PI4K2A: variants seen among roughly 807,000 people sequenced by gnomAD.
PI4K2A encodes phosphatidylinositol 4-kinase type 2-alpha.
Under a neutral mutation model 55.0 loss-of-function variants are expected in PI4K2A, and 20 were observed. That is an observed-to-expected ratio of 0.36 (90% CI 0.26 to 0.53). The LOEUF (loss-of-function observed/expected upper bound fraction) is 0.53. Ranked by LOEUF, PI4K2A falls within the 20% of genes least tolerant of loss-of-function variation. PI4K2A has a pLI of 0.91. For synonymous variants in PI4K2A, 235 were observed against 258.5 expected (o/e 0.91, Z 0.87); for missense variants, 463 against 637.1 (o/e 0.73, Z 2.94).
chr10:97,671,734 G>C (rs2041636373), intron 8 of PI4K2A, among the ~76,000 whole-genome samples: 1 of 152,076 alleles, frequency 6.6e-6, no homozygotes, highest in Non-Finnish European at 1.5e-5. Flanking sequence ...CCGCCTCCCG[G>C]GTTCACGTGA....
chr10:97,659,873 T>A (rs1388823084), intron 4 of PI4K2A, among the ~76,000 whole-genome samples: 3 of 152,096 alleles, frequency 2.0e-5, no homozygotes, highest in Non-Finnish European at 4.4e-5. Flanking sequence ...CCACTACAAT[T>A]GTTGTCCACG....
At chr10:97,661,147 A>G (rs1015320950) in intron 4 of PI4K2A, among the ~76,000 whole-genome samples, 22 of 151,796 alleles carry the variant, frequency 1.4e-4, no homozygotes, top group Non-Finnish European at 2.4e-4. Context: ...GCCCGCCACC[A>G]CACCCGGCTA....
intron 6 of PI4K2A, among the ~76,000 whole-genome samples, chr10:97,665,814 A>G (rs796071584): frequency 2.1e-5 from 3 of 142,324 alleles, no homozygotes; most frequent in African/African-American, 7.9e-5. Context: ...GATGATCTCA[A>G]TCTCCTGACC....
At chr10:97,648,953 G>C (rs2041517956) in intron 1 of PI4K2A, among the ~76,000 whole-genome samples, 1 of 152,236 alleles carries the variant, frequency 6.6e-6, no homozygotes, top group Non-Finnish European at 1.5e-5. Context: ...TTTGGAGGGA[G>C]AAGGAGGAGT....
chr10:97,642,924 C>CCTTT (rs199787458), intron 1 of PI4K2A, among the ~76,000 whole-genome samples: 1,244 of 113,224 alleles, frequency 0.011, 43 homozygotes, highest in Non-Finnish European at 0.015. Flanking sequence ...TTCCTTCCTT[C>CCTTT]CTTTCTTTCC....
chr10:97,643,721 G>A (rs1301227097), intron 1 of PI4K2A, among the ~76,000 whole-genome samples: 2 of 152,156 alleles, frequency 1.3e-5, no homozygotes, highest in Non-Finnish European at 2.9e-5. Context: ...AAATGCTTGC[G>A]GTGGGTTAGA....
rs2041553284 is a variant in PI4K2A at position 97,656,160 on chromosome 10, T to C, written c.637-125T>C. 1.3e-6 allele frequency: 1 copy of C among 778,272 alleles called. No individual in the cohort carries two copies. Among genetic ancestry groups the C allele is most frequent in the Admixed American group, 2.5e-5 (1 of 39,740 alleles). The allele number at this position is 778,272 out of a possible 1,614,324, so 48.2% of individuals were successfully genotyped here. A position where few individuals can be genotyped will look rare whatever the true frequency, so the allele number is the denominator to read the frequency against. ...CCTAGTTGCTGGGAAGGCTGAGAAA[T>C]GTATTCTTTCTGTGCCCTGGAAGAG... On this transcript the variant is annotated intron_variant, in intron 2 of 8. Coordinates refer to ENST00000370631, the Ensembl canonical transcript of PI4K2A. This position sits in a 1 kb window ranked among gnomAD's most constrained non-coding sequence, Gnocchi z 4.5.
At chr10:97,662,860 G>A in intron 4 of PI4K2A, 47 bp from the exon 5 acceptor site, 1 of 1,311,140 alleles carries the variant, frequency 7.6e-7, no homozygotes, top group Non-Finnish European at 1.1e-6. Context: ...TACAAAAATG[G>A]AAAATCATCC....
At chr10:97,654,922 T>A (rs1049532056) in intron 2 of PI4K2A, among the ~76,000 whole-genome samples, 3 of 152,116 alleles carry the variant, frequency 2.0e-5, no homozygotes, top group Non-Finnish European at 4.4e-5. Flanking sequence ...TAATTCAGAC[T>A]CCCTGCTACC....
chr10:97,647,500 A>T (rs1307993018), intron 1 of PI4K2A, among the ~76,000 whole-genome samples: 1 of 152,196 alleles, frequency 6.6e-6, no homozygotes, highest in Non-Finnish European at 1.5e-5. Context: ...AGTTGATTTT[A>T]TGAAGTGAAC....
At chr10:97,666,336 G>A in intron 6 of PI4K2A, 102 bp from the exon 7 acceptor site, 3 of 1,014,730 alleles carry the variant, frequency 3.0e-6, no homozygotes, top group Non-Finnish European at 4.4e-6. Flanking sequence ...GTATGTCAGG[G>A]AAGAGGGGTT....
chr10:97,643,017 C>T (rs1021771173), intron 1 of PI4K2A, among the ~76,000 whole-genome samples: 4 of 150,212 alleles, frequency 2.7e-5, no homozygotes, highest in African/African-American at 9.9e-5. Context: ...CAGAGAAGGT[C>T]TCACTCTGAC....
At chr10:97,666,699 T>C (rs974592222) in intron 7 of PI4K2A, 128 bp downstream of exon 7, 10 of 775,286 alleles carry the variant, frequency 1.3e-5, no homozygotes, top group Admixed American at 2.8e-5. Context: ...AGCCAACGAA[T>C]AGCAAGATTT....
intron 1 of PI4K2A, among the ~76,000 whole-genome samples, chr10:97,642,846 C>CT (rs1491514308): frequency 6.8e-5 from 4 of 59,220 alleles, no homozygotes; most frequent in African/African-American, 2.0e-4. Flanking sequence ...TTCCTTCCTT[C>CT]CTTCCTTTCT....
intron 5 of PI4K2A, among the ~76,000 whole-genome samples, chr10:97,664,116 T>C (rs2041599241): frequency 6.6e-6 from 1 of 152,220 alleles, no homozygotes; most frequent in Non-Finnish European, 1.5e-5. Flanking sequence ...TTATTTAAAA[T>C]AGTACACAGA....
exon 1 of PI4K2A, chr10:97,641,085 C>A: frequency 6.2e-7 from 1 of 1,607,928 alleles, no homozygotes; most frequent in African/African-American, 1.3e-5. Flanking sequence ...GGCGGTGGTG[C>A]GGCAGGCCGA....
intron 1 of PI4K2A, among the ~76,000 whole-genome samples, chr10:97,647,975 C>T (rs996007756): frequency 6.6e-6 from 1 of 151,660 alleles, no homozygotes; most frequent in Admixed American, 6.6e-5. Context: ...TGCTCTGTCA[C>T]CCAGGCTACA....
At chr10:97,673,590 C>T (rs775930737) in exon 9 of PI4K2A, 1 of 1,614,076 alleles carries the variant, frequency 6.2e-7, no homozygotes, top group East Asian at 2.2e-5. Flanking sequence ...GATCTTAAAT[C>T]TGACCCAGGC....
intron 8 of PI4K2A, among the ~76,000 whole-genome samples, chr10:97,670,021 C>T (rs748374734): frequency 6.6e-6 from 1 of 152,172 alleles, no homozygotes; most frequent in Admixed American, 6.5e-5. Flanking sequence ...GTCCTCCCCC[C>T]TCAGCCTCCT....
Sources: gnomAD v4.1 joint callset for allele counts (sites outside exome capture counted in the v4.1 genomes callset) on GRCh38, gnomAD v4.1.1 for gene constraint, Gnocchi (gnomAD v3.1) non-coding constraint, MANE v1.5 for transcripts, NCBI Gene and HGNC (gene_info 2026-07-23, HGNC 2026-07-21) for gene names.